Variants in CSGALNACT1 observed in about 807,000 individuals in gnomAD.
The protein encoded by CSGALNACT1 is chondroitin sulfate N-acetylgalactosaminyltransferase 1, also known as beta4GalNAcT-1.
CSGALNACT1 carries 52 observed loss-of-function variants against 51.0 expected under a neutral mutation model. The ratio of observed to expected loss-of-function variants is 1.02; its 90% CI spans 0.82 to 1.29. The LOEUF (loss-of-function observed/expected upper bound fraction) is 1.29, where lower values mean the gene tolerates loss of function less well. CSGALNACT1 is among the 50% of genes most tolerant of loss of function. CSGALNACT1 has a pLI of 0.00. For missense variants in CSGALNACT1, 935 were observed against 679.2 expected (o/e 1.38, Z -4.19); for synonymous variants, 341 against 254.4 (o/e 1.34, Z -3.24).
chr8:19,572,813 G>C (rs184820690), intron 3 of CSGALNACT1, among the ~76,000 whole-genome samples: 1 of 152,218 alleles, frequency 6.6e-6, no homozygotes, highest in African/African-American at 2.4e-5. Flanking sequence ...GATTTTTCAT[G>C]AACATCCACA....
In CSGALNACT1 at chr8:19,621,146, G is replaced by A. The variant is rs77380480; in HGVS notation, c.-543-19281C>T. 5.9e-3 allele frequency among the ~76,000 whole-genome samples: 900 copies of A among 152,218 alleles called. 3 individuals are homozygous for A. The highest frequency in any genetic ancestry group is 7.8e-3 in the Non-Finnish European group (529 of 68,010). ...TAACTACTGTATTTAAGTTAGTGACGTCTGTTTAATTTTCATTCTAGGATT... is the reference window on the plus strand; with the variant it reads ...TAACTACTGTATTTAAGTTAGTGACATCTGTTTAATTTTCATTCTAGGATT... On this transcript the variant is annotated intron_variant, in intron 1 of 9. Transcript: ENST00000332246.
intron 5 of CSGALNACT1, 56 bp from the exon 5 acceptor site, chr8:19,439,987 CA>C: frequency 7.1e-7 from 1 of 1,408,928 alleles, no homozygotes; most frequent in South Asian, 1.2e-5. Flanking sequence ...ACAGGCACAG[CA>C]CAAACCAATA....
chr8:19,518,598 G>A (rs922090141), intron 3 of CSGALNACT1, among the ~76,000 whole-genome samples: 1 of 152,160 alleles, frequency 6.6e-6, no homozygotes, highest in African/African-American at 2.4e-5. Flanking sequence ...TCTGCTCTGA[G>A]ACTCCTTTCT....
At chr8:19,691,588 C>G (rs891920619) in intron 1 of CSGALNACT1, among the ~76,000 whole-genome samples, 4 of 152,162 alleles carry the variant, frequency 2.6e-5, no homozygotes, top group African/African-American at 9.7e-5. Context: ...ACAGCCCTGA[C>G]GATAACGCAG....
intron 3 of CSGALNACT1, among the ~76,000 whole-genome samples, chr8:19,549,584 G>A (rs1410687548): frequency 6.7e-6 from 1 of 148,200 alleles, no homozygotes; most frequent in Non-Finnish European, 1.5e-5. Flanking sequence ...CACAGGTGAT[G>A]TTCAAAGGTC....
rs900504450 is a variant in CSGALNACT1, at chr8:19,425,251, G to C, written c.954-4733C>G. ...CACTACTTGGGAGGCTGAGGCAGGA[G>C]AATCGCTTGAATCTGGGAAATGGAG... On this transcript the variant is annotated intron_variant, in intron 6 of 9. Transcript: ENST00000454498. Among the ~76,000 whole-genome samples the C allele has an allele frequency of 3.3e-5, 5 of 152,180 alleles. No homozygotes were observed. The South Asian group carries it at 8.3e-4, about 25-fold the overall frequency.
chr8:19,417,235 T>C (rs1283999216), intron 8 of CSGALNACT1, among the ~76,000 whole-genome samples: 1 of 152,178 alleles, frequency 6.6e-6, no homozygotes, highest in Non-Finnish European at 1.5e-5. Flanking sequence ...CAAAAACAGA[T>C]ACACAGTATA....
Position 19,666,789 on chromosome 8 carries a change from AAGAAAGAAAGAAAGAAAGAAAGAGAG to A in CSGALNACT1, c.-544+15658_-544+15683del, listed in dbSNP as rs1275022239. Among the ~76,000 whole-genome samples the A allele has an allele frequency of 7.2e-3, 155 of 21,506 alleles. 6 individuals are homozygous for A. Among genetic ancestry groups the A allele is most frequent in the Middle Eastern group, 0.04 (2 of 50 alleles). 14.1% of individuals were successfully genotyped at this position (21,506 alleles called of 152,430 possible). A position where few individuals can be genotyped will look rare whatever the true frequency, so the allele number is the denominator to read the frequency against. On this transcript the variant is annotated intron_variant, in intron 1 of 9. Transcript: ENST00000332246. ...AAAGAAAGAAAGAAAGAAAGAAAGA[AAGAAAGAAAGAAAGAAAGAAAGAGAG>A]AGAGAGAGAGAGAGAGAGAAAGAAA...
chr8:19,466,812 G>A (rs4391455), intron 4 of CSGALNACT1, among the ~76,000 whole-genome samples: 1 of 152,186 alleles, frequency 6.6e-6, no homozygotes, highest in Non-Finnish European at 1.5e-5. Flanking sequence ...CTACTTTCCC[G>A]TGCATCACAG....
intron 5 of CSGALNACT1, among the ~76,000 whole-genome samples, chr8:19,456,522 G>A (rs1039052057): frequency 2.0e-5 from 3 of 152,240 alleles, no homozygotes; most frequent in Non-Finnish European, 4.4e-5. Flanking sequence ...GAACGCCGCA[G>A]GTTCAGTCAT....
chr8:19,541,553 ATT>A lies in CSGALNACT1; in HGVS notation c.-296-35425_-296-35424del, dbSNP rs1159626193. Among the ~76,000 whole-genome samples, 254 of 70,074 alleles carry A rather than the reference ATT, an allele frequency of 3.6e-3. 3 individuals carry two copies. Among genetic ancestry groups the A allele is most frequent in the African/African-American group, 0.014 (204 of 14,772 alleles). 46.0% of individuals were successfully genotyped at this position (70,074 alleles called of 152,430 possible). On this transcript the variant is annotated intron_variant, in intron 3 of 9. Transcript: ENST00000454498. ...AGGTGTGAGCCACCGTGCTCAGCCA[ATT>A]TTTTTTTTTTTTTTTTTTTTTTTTA...
chr8:19,553,004 C>A (rs1037929761), intron 3 of CSGALNACT1, among the ~76,000 whole-genome samples: 1 of 152,120 alleles, frequency 6.6e-6, no homozygotes, highest in Non-Finnish European at 1.5e-5. Flanking sequence ...AAGCACATGA[C>A]GTCTGCCTCC....
At chr8:19,415,822 T>C (rs1161407451) in intron 8 of CSGALNACT1, among the ~76,000 whole-genome samples, 1 of 152,218 alleles carries the variant, frequency 6.6e-6, no homozygotes, top group African/African-American at 2.4e-5. Flanking sequence ...TCAATCCAAT[T>C]AGAAGCTTAG....
rs566303403 is a variant in CSGALNACT1, at chr8:19,540,162, A to G, written c.-296-34032T>C. Among the ~76,000 whole-genome samples the G allele has an allele frequency of 3.4e-4, 52 of 152,330 alleles. No individual in the cohort carries two copies. In the South Asian group the frequency reaches 4.1e-3, roughly 12 times the overall value. On this transcript the variant is annotated intron_variant, in intron 3 of 9. Coordinates refer to ENST00000454498, the Ensembl canonical transcript of CSGALNACT1. ...GTGTTTTACAATACCCCAGTGCTTC[A>G]TATTATTTTGGAATTGTTTCCTTGC...
intron 3 of CSGALNACT1, among the ~76,000 whole-genome samples, chr8:19,588,812 T>C (rs561351741): frequency 6.6e-6 from 1 of 152,242 alleles, no homozygotes; most frequent in Non-Finnish European, 1.5e-5. Flanking sequence ...ACCCAGATCC[T>C]AGCTGTACTT....
exon 4 of CSGALNACT1, chr8:19,505,501 G>C (rs762817210): frequency 1.2e-6 from 2 of 1,614,016 alleles, no homozygotes; most frequent in East Asian, 4.5e-5. Flanking sequence ...TTCTCTGGGG[G>C]GCTCCTGTCC....
chr8:19,628,475 GA>G (rs1281847551), intron 1 of CSGALNACT1, among the ~76,000 whole-genome samples: 1 of 152,208 alleles, frequency 6.6e-6, no homozygotes, highest in African/African-American at 2.4e-5. Flanking sequence ...TTTGAGATGA[GA>G]TTTGGGTGGG....
intron 4 of CSGALNACT1, among the ~76,000 whole-genome samples, chr8:19,484,241 T>TA (rs1470244219): frequency 7.9e-6 from 1 of 126,072 alleles, no homozygotes; most frequent in Admixed American, 7.6e-5. Context: ...TTCCTCTAAG[T>TA]AAAAAGATGA....
At position 19,554,728 on chromosome 8, in the gene CSGALNACT1, C is replaced by T. The variant is rs577526193; in HGVS notation, c.-297+36432G>A. 2.0e-3 allele frequency among the ~76,000 whole-genome samples: 311 copies of T among 151,990 alleles called. 1 individual carries two copies. Among genetic ancestry groups the T allele is most frequent in the African/African-American group, 7.2e-3 (298 of 41,472 alleles). The stretch of plus-strand genomic sequence containing the variant: ...AGGTCAGGAGTTCAAGACCAGCCTG[C>T]CCTACATGGTGAAACCCCGTCTCTA... On this transcript the variant is annotated intron_variant, in intron 3 of 9. Coordinates refer to ENST00000454498, the Ensembl canonical transcript of CSGALNACT1.
Sources: gnomAD v4.1 joint callset for allele counts (sites outside exome capture counted in the v4.1 genomes callset) on GRCh38, gnomAD v4.1.1 for gene constraint, MANE v1.5 for transcripts, NCBI Gene and HGNC (gene_info 2026-07-23, HGNC 2026-07-21) for gene names.